Variants in KDM2A observed in about 807,000 individuals in gnomAD.
The protein encoded by KDM2A is lysine demethylase 2A, also known as lysine-specific demethylase 2A.
KDM2A carries 3 observed loss-of-function variants against 137.3 expected under a neutral mutation model. The observed-to-expected ratio is 0.02, with a 90% confidence interval of 0.01 to 0.06. The LOEUF (loss-of-function observed/expected upper bound fraction) is 0.06, where lower values mean the gene tolerates loss of function less well. KDM2A is among the 10% of genes least tolerant of loss of function. The pLI, the probability that KDM2A is intolerant of heterozygous loss-of-function variation, is 1.00. For missense variants in KDM2A, 738 were observed against 1,510.6 expected (o/e 0.49, Z 8.48); for synonymous variants, 512 against 541.5 (o/e 0.95, Z 0.76).
chr11:67,242,280 G>GTGTGTGTA (rs1431010253), intron 12 of KDM2A, among the ~76,000 whole-genome samples: 14 of 2,854 alleles, frequency 4.9e-3, no homozygotes, highest in African/African-American at 6.9e-3. Flanking sequence ...GTGTGTGTAT[G>GTGTGTGTA]TGTGTGTGTG....
At chr11:67,167,766 T>C (rs1352571598) in intron 2 of KDM2A, among the ~76,000 whole-genome samples, 6 of 152,222 alleles carry the variant, frequency 3.9e-5, no homozygotes, top group Non-Finnish European at 8.8e-5. Context: ...CTATGTACTG[T>C]TGATCTCTGT....
At chr11:67,238,152 T>G (rs190236665) in intron 12 of KDM2A, among the ~76,000 whole-genome samples, 3 of 152,278 alleles carry the variant, frequency 2.0e-5, no homozygotes, top group African/African-American at 7.2e-5. Flanking sequence ...TTAGTAATTC[T>G]TATCTTTTTT....
intron 5 of KDM2A, among the ~76,000 whole-genome samples, chr11:67,202,990 G>C (rs919547840): frequency 1.4e-5 from 2 of 146,676 alleles, no homozygotes; most frequent in Non-Finnish European, 3.0e-5. Context: ...GCAAGACCCT[G>C]TCCGTCCGCC....
chr11:67,223,380 T>TTTTC (rs1312659657), intron 10 of KDM2A, among the ~76,000 whole-genome samples: 1 of 145,954 alleles, frequency 6.9e-6, no homozygotes, highest in South Asian at 2.1e-4. Context: ...TTTCTTCCTT[T>TTTTC]TTTCTTTCTT....
At chr11:67,137,867 G>C (rs1285686406) in intron 2 of KDM2A, among the ~76,000 whole-genome samples, 1 of 151,898 alleles carries the variant, frequency 6.6e-6, no homozygotes, top group East Asian at 1.9e-4. Flanking sequence ...GTGCGATCTC[G>C]GCTCACTGCA....
intron 2 of KDM2A, among the ~76,000 whole-genome samples, chr11:67,141,871 T>A (rs1299009992): frequency 6.6e-6 from 1 of 151,738 alleles, no homozygotes; most frequent in Non-Finnish European, 1.5e-5. Context: ...CTGTTCTCTG[T>A]TTATGAGATC....
At chr11:67,252,630 A>G in intron 17 of KDM2A, 64 bp from the exon 18 acceptor site, 1 of 1,564,130 alleles carries the variant, frequency 6.4e-7, no homozygotes, top group Non-Finnish European at 8.8e-7. Context: ...AGCCATAAGC[A>G]GCCTGTGATG....
chr11:67,206,442 A>G (rs999612774), intron 5 of KDM2A, among the ~76,000 whole-genome samples: 1 of 152,108 alleles, frequency 6.6e-6, no homozygotes, highest in Non-Finnish European at 1.5e-5. Context: ...AAATAAAATT[A>G]AAGAAATAAA....
intron 10 of KDM2A, among the ~76,000 whole-genome samples, chr11:67,223,144 A>T (rs900369276): frequency 6.6e-6 from 1 of 150,540 alleles, no homozygotes; most frequent in Non-Finnish European, 1.5e-5. Context: ...GTGAGCCAAG[A>T]TCGTGCCATT....
chr11:67,194,225 T>C (rs1857427387), intron 5 of KDM2A, among the ~76,000 whole-genome samples: 1 of 152,168 alleles, frequency 6.6e-6, no homozygotes, highest in African/African-American at 2.4e-5. Flanking sequence ...TGACAGCAAA[T>C]AAAAATCCTG....
intron 6 of KDM2A, among the ~76,000 whole-genome samples, chr11:67,208,597 C>T (rs1196605109): frequency 1.3e-5 from 2 of 151,844 alleles, no homozygotes; most frequent in Non-Finnish European, 1.5e-5. Context: ...TGGCAAAACT[C>T]CCATCTCTAC....
In KDM2A at chr11:67,254,748, C is replaced by A; in HGVS notation, c.3308-126C>A. 1 of 864,778 alleles carries A rather than the reference C, an allele frequency of 1.2e-6. No individual in the cohort carries two copies. Among genetic ancestry groups the A allele is most frequent in the Non-Finnish European group, 1.8e-6 (1 of 558,792 alleles). 53.6% of individuals were successfully genotyped at this position (864,778 alleles called of 1,614,324 possible). A position where few individuals can be genotyped will look rare whatever the true frequency, so the allele number is the denominator to read the frequency against. Reference sequence around the variant, plus strand: ...GCTGATGGCACTTCTGGTCTCTGAGCCAGGTAGTTGTGGGACAAAGAGGGC... The same window carrying A: ...GCTGATGGCACTTCTGGTCTCTGAGACAGGTAGTTGTGGGACAAAGAGGGC... On this transcript the variant is annotated intron_variant, in intron 20 of 20. Coordinates refer to ENST00000529006, the MANE Select transcript of KDM2A (RefSeq NM_012308.3). The surrounding 1 kb of genome is among the most constrained non-coding windows in gnomAD (Gnocchi z 4.7).
chr11:67,182,631 C>T (rs770857926), intron 5 of KDM2A, among the ~76,000 whole-genome samples: 4 of 150,638 alleles, frequency 2.7e-5, no homozygotes, highest in Non-Finnish European at 5.9e-5. Context: ...CTGCTGCATT[C>T]GAGCAGTTCT....
chr11:67,215,707 G>T, intron 7 of KDM2A, 149 bp from the exon 8 acceptor site: 2 of 708,706 alleles, frequency 2.8e-6, no homozygotes, highest in Admixed American at 2.5e-5. Flanking sequence ...ATAATGTGAT[G>T]ACTTGAAAAT....
intron 10 of KDM2A, among the ~76,000 whole-genome samples, chr11:67,224,152 C>G (rs537676723): frequency 6.6e-6 from 1 of 152,288 alleles, no homozygotes; most frequent in Non-Finnish European, 1.5e-5. Flanking sequence ...GGACTCCTAT[C>G]CAGTTCTCCG....
At position 67,250,594 on chromosome 11, in the gene KDM2A, GAGAGGAGGAGGA is replaced by G. The variant is rs772327544; in HGVS notation, c.2577_2588del (p.Glu863_Glu866del). The G allele has an allele frequency of 1.9e-5, 31 of 1,612,954 alleles. No individual in the cohort carries two copies. Among genetic ancestry groups the G allele is most frequent in the Admixed American group, 1.8e-4 (11 of 59,858 alleles). On this transcript the variant is annotated inframe_deletion, in exon 17 of 21. Transcript: ENST00000529006. This position sits in a 1 kb window ranked among gnomAD's most constrained non-coding sequence, Gnocchi z 7.1. Reference sequence around the variant, plus strand: ...CGTGGGGATGAGGAGGGGCTGGGGGGAGAGGAGGAGGAAGAGGAGGAGGAGGAGGAGGAAGAT... The same window carrying G: ...CGTGGGGATGAGGAGGGGCTGGGGGGAGAGGAGGAGGAGGAGGAGGAAGAT...
intron 2 of KDM2A, among the ~76,000 whole-genome samples, chr11:67,150,552 A>G (rs886575733): frequency 2.6e-5 from 4 of 152,206 alleles, no homozygotes; most frequent in Admixed American, 6.5e-5. Context: ...TTTTGAAATG[A>G]TGTTAGTTCT....
chr11:67,245,009 A>T lies in KDM2A; in HGVS notation c.1564-180A>T. The T allele has an allele frequency of 1.6e-6, 1 of 613,688 alleles. No individual in the cohort carries two copies. The highest frequency in any genetic ancestry group is 3.0e-5 in the Admixed American group (1 of 32,960). 38.0% of individuals were successfully genotyped at this position (613,688 alleles called of 1,614,324 possible). A position where few individuals can be genotyped will look rare whatever the true frequency, so the allele number is the denominator to read the frequency against. ...TCAAAAAAAAAAAAAAAAAGCAGCC[A>T]TTGATAATACATACACAAGATGAGT... On this transcript the variant is annotated intron_variant, in intron 13 of 20. Coordinates refer to ENST00000529006, the MANE Select transcript of KDM2A (RefSeq NM_012308.3). The surrounding 1 kb of genome is among the most constrained non-coding windows in gnomAD (Gnocchi z 4.1).
At position 67,255,913 on chromosome 11, in the gene KDM2A, G is replaced by A. The variant is rs1235224595; in HGVS notation, c.*858G>A. 1 of 237,170 alleles carries A rather than the reference G, an allele frequency of 4.2e-6. No homozygotes were observed. Among genetic ancestry groups the A allele is most frequent in the Non-Finnish European group, 8.6e-6 (1 of 116,932 alleles). 14.7% of individuals were successfully genotyped at this position (237,170 alleles called of 1,614,324 possible). ...TTTTCCATGTGTCTTCATTCTGCCT[G>A]AAGAAGGCTTTCCCAGGATGCACGT... is the stretch of plus-strand genomic sequence containing the variant. On this transcript the variant is annotated 3_prime_UTR_variant, in exon 21 of 21. Coordinates refer to ENST00000529006, the MANE Select transcript of KDM2A (RefSeq NM_012308.3).
Sources: gnomAD v4.1 joint callset for allele counts (sites outside exome capture counted in the v4.1 genomes callset) on GRCh38, gnomAD v4.1.1 for gene constraint, Gnocchi (gnomAD v3.1) non-coding constraint, MANE v1.5 for transcripts, NCBI Gene and HGNC (gene_info 2026-07-23, HGNC 2026-07-21) for gene names.